The following ZNF831 variants were observed in gnomAD, a reference collection of about 807,000 sequenced individuals.
ZNF831 encodes chromosome 20 open reading frame 174.
In ZNF831, 59 loss-of-function variants were observed where a neutral mutation model predicts 95.8. The ratio of observed to expected loss-of-function variants is 0.62; its 90% confidence interval spans 0.50 to 0.77. The LOEUF is 0.77. ZNF831 is among the 30% of genes least tolerant of loss of function. The pLI is 0.00. For missense variants in ZNF831, 2,205 were observed against 2,164.0 expected (o/e 1.02, Z -0.38); for synonymous variants, 961 against 925.5 (o/e 1.04, Z -0.70).
At chr20:59,127,060 C>G (rs552806555) in intron 1 of ZNF831, among the ~76,000 whole-genome samples, 15 of 152,256 alleles carry the variant, frequency 9.9e-5, no homozygotes, top group African/African-American at 3.6e-4. Context: ...TGAAGGGGTT[C>G]ATCCCAGGAG....
intron 4 of ZNF831, among the ~76,000 whole-genome samples, chr20:59,218,466 C>G (rs1032960107): frequency 1.6e-4 from 24 of 152,152 alleles, no homozygotes; most frequent in Admixed American, 1.5e-3. Flanking sequence ...TTCATTATCT[C>G]ACAGAACAGA....
rs1251286290 is a variant in ZNF831 at position 59,136,066 on chromosome 20, C to T, written c.-1424-10165C>T. On this transcript the variant is annotated intron_variant, in intron 1 of 7. Transcript: ENST00000637017. ...AGCTTGTCATCAGAATTGAATTCCA[C>T]GTGGTTGGGGGACTGAGGTCCCTGT... is the stretch of plus-strand genomic sequence containing the variant. Among the ~76,000 whole-genome samples, 3 of 152,150 alleles carry T rather than the reference C, an allele frequency of 2.0e-5. No homozygotes were observed. The East Asian group carries it at 5.8e-4, about 29-fold the overall frequency.
chr20:59,185,075 C>T (rs1982905441), intron 1 of ZNF831, among the ~76,000 whole-genome samples: 2 of 147,526 alleles, frequency 1.4e-5, no homozygotes, highest in Non-Finnish European at 3.0e-5. Flanking sequence ...CCGGACCCTT[C>T]CCTCGCTCAA....
chr20:59,199,116 TATC>T, intron 3 of ZNF831, among the ~76,000 whole-genome samples: 1 of 132,728 alleles, frequency 7.5e-6, no homozygotes, highest in South Asian at 2.8e-4. Context: ...TCTATCTATC[TATC>T]TATCTATCTA....
At chr20:59,181,340 A>G (rs1475538248) in intron 1 of ZNF831, among the ~76,000 whole-genome samples, 1 of 152,128 alleles carries the variant, frequency 6.6e-6, no homozygotes, top group Non-Finnish European at 1.5e-5. Context: ...CACCCTGATG[A>G]TAGCTTCTGT....
intron 4 of ZNF831, among the ~76,000 whole-genome samples, chr20:59,238,234 C>T (rs574436507): frequency 1.1e-4 from 16 of 152,288 alleles, no homozygotes; most frequent in South Asian, 4.1e-4. Context: ...CATCCCTGCT[C>T]AGTCGGCCTG....
chr20:59,248,503 C>T (rs1987726851), intron 4 of ZNF831, among the ~76,000 whole-genome samples: 2 of 152,198 alleles, frequency 1.3e-5, no homozygotes, highest in African/African-American at 4.8e-5. Flanking sequence ...GGATTTTCTT[C>T]CTTTACTTTC....
intron 4 of ZNF831, among the ~76,000 whole-genome samples, chr20:59,232,028 C>T (rs915019976): frequency 6.6e-6 from 1 of 152,194 alleles, no homozygotes; most frequent in East Asian, 1.9e-4. Flanking sequence ...CCCCACTGAT[C>T]ACTGAGGGAG....
chr20:59,128,277 G>T (rs1979241053), intron 1 of ZNF831, among the ~76,000 whole-genome samples: 2 of 152,194 alleles, frequency 1.3e-5, no homozygotes, highest in South Asian at 4.1e-4. Flanking sequence ...GTACAGACCA[G>T]GTGTTTACTT....
chr20:59,233,453 C>G (rs1045126539), intron 4 of ZNF831, among the ~76,000 whole-genome samples: 2 of 152,048 alleles, frequency 1.3e-5, no homozygotes, highest in Non-Finnish European at 2.9e-5. Context: ...GTCTGTTTCC[C>G]CACTGGACAA....
At chr20:59,234,210 G>A (rs900011278) in intron 4 of ZNF831, among the ~76,000 whole-genome samples, 2 of 152,200 alleles carry the variant, frequency 1.3e-5, no homozygotes, top group African/African-American at 4.8e-5. Flanking sequence ...TCTTTGCAGA[G>A]TTGTTGGATT....
At chr20:59,172,475 A>G (rs1016513890) in intron 1 of ZNF831, among the ~76,000 whole-genome samples, 10 of 152,152 alleles carry the variant, frequency 6.6e-5, no homozygotes, top group African/African-American at 1.9e-4. Flanking sequence ...TGCTCCCCTC[A>G]TTAATGCATT....
At chr20:59,223,629 C>A (rs564319765) in intron 4 of ZNF831, among the ~76,000 whole-genome samples, 27 of 152,214 alleles carry the variant, frequency 1.8e-4, no homozygotes, top group African/African-American at 6.5e-4. Context: ...TCGGTTTCCC[C>A]ATCTGTAAAA....
Position 59,164,131 on chromosome 20 carries a change from G to A in ZNF831, c.-113G>A, listed in dbSNP as rs1981067503. On this transcript the variant is annotated 5_prime_UTR_variant, in exon 1 of 6. The change creates a new upstream start codon in the 5' untranslated region. Coordinates refer to ENST00000371030, the MANE Select transcript of ZNF831 (RefSeq NM_178457.3). ...CCAGTGGTCCTTTCTGGACCTGTGG[G>A]TGTCTTCTCTGGGCAACCAGATCAT... Among the ~76,000 whole-genome samples the A allele has an allele frequency of 6.6e-6, 1 of 152,098 alleles. No homozygotes were observed.
chr20:59,223,669 T>G (rs1986247698), intron 4 of ZNF831, among the ~76,000 whole-genome samples: 1 of 152,186 alleles, frequency 6.6e-6, no homozygotes, highest in Admixed American at 6.5e-5. Flanking sequence ...ACACAAAATA[T>G]ATCTAGAATT....
At chr20:59,235,066 T>G (rs1458598693) in intron 4 of ZNF831, among the ~76,000 whole-genome samples, 2 of 152,090 alleles carry the variant, frequency 1.3e-5, no homozygotes, top group Non-Finnish European at 2.9e-5. Flanking sequence ...TCAGTCACTG[T>G]CCTTATTTTT....
intron 2 of ZNF831, among the ~76,000 whole-genome samples, chr20:59,152,756 G>T (rs1980318488): frequency 6.6e-6 from 1 of 152,090 alleles, no homozygotes; most frequent in Non-Finnish European, 1.5e-5. Flanking sequence ...CTCCCTTGGG[G>T]CCCCTGACAT....
chr20:59,155,813 C>A (rs1360965192), intron 2 of ZNF831, among the ~76,000 whole-genome samples: 1 of 152,200 alleles, frequency 6.6e-6, no homozygotes, highest in Non-Finnish European at 1.5e-5. Context: ...GTGAAAGGAA[C>A]AATTCTCCTC....
intron 4 of ZNF831, among the ~76,000 whole-genome samples, chr20:59,246,292 A>G (rs1230671308): frequency 6.6e-6 from 1 of 152,192 alleles, no homozygotes; most frequent in Non-Finnish European, 1.5e-5. Context: ...CCCCAAAGCT[A>G]TGAAGTCATA....
Sources: gnomAD v4.1 joint callset for allele counts (sites outside exome capture counted in the v4.1 genomes callset) on GRCh38, gnomAD v4.1.1 for gene constraint, MANE v1.5 for transcripts, NCBI Gene and HGNC (gene_info 2026-07-23, HGNC 2026-07-21) for gene names.